LGALS4: variants seen among roughly 807,000 people sequenced by gnomAD.
LGALS4 encodes the protein galectin-4.
A neutral mutation model predicts 39.6 loss-of-function variants in LGALS4; 37 were observed. That is an observed-to-expected ratio of 0.93 (90% CI 0.72 to 1.23). The LOEUF is 1.23. Among genes scored for constraint, LGALS4 ranks in the 50% most tolerant of loss-of-function variants. The pLI, the probability that LGALS4 is intolerant of heterozygous loss-of-function variation, is 0.00. For missense variants in LGALS4, 397 were observed against 433.2 expected, an observed-to-expected ratio of 0.92 and a Z score of 0.74; for synonymous variants, 160 against 165.5, an observed-to-expected ratio of 0.97 and a Z score of 0.25.
Position 38,801,822 on chromosome 19 carries a change from T to C in LGALS4, c.914A>G (p.Gln305Arg). ...CTGGATTTCCAATGTGTCCACCCTC[T>C]GGAAGGCCGAGAGGCGATGGGCAAA... ...FDFAHRLSAF[Q>R]RVDTLEIQGD... Residue 305 changes from glutamine to arginine, a missense_variant, in exon 10 of 10, where the codon CAG becomes CGG. By Grantham distance (43) the Gln-to-Arg change is conservative. Transcript: ENST00000307751. 1.9e-6 allele frequency: 3 copies of C among 1,614,194 alleles called. No homozygotes were observed. The highest frequency in any genetic ancestry group is 2.5e-6 in the Non-Finnish European group (3 of 1,180,038).
At chr19:38,803,008 CTTTT>C (rs71165582) in intron 7 of LGALS4, 12 of 73,264 alleles carry the variant, frequency 1.6e-4, no homozygotes, top group South Asian at 6.0e-4. Flanking sequence ...TTTTCTTTTT[CTTTT>C]TTTTTTTTTT....
In LGALS4 at chr19:38,808,792, C is replaced by G. The variant is rs765745665; in HGVS notation, c.291G>C (p.Lys97Asn). 1 of 1,614,178 alleles carries G rather than the reference C, an allele frequency of 6.2e-7. No homozygotes were observed. The highest frequency in any genetic ancestry group is 1.6e-4 in the Middle Eastern group (1 of 6,062). Reference protein sequence around the residue: ...EERKRSMPFKKGAAFELVFIV... With the variant: ...EERKRSMPFKNGAAFELVFIV... ...TGAAGACCAGCTCAAAGGCGGCACC[C>G]TTTTTGAAGGGCATGCTCCTCTTCC... Residue 97 changes from lysine (K) to asparagine (N), a missense_variant, in exon 3 of 10, where the codon AAG becomes AAC. By Grantham distance (94) the Lys-to-Asn change is moderately conservative. Coordinates refer to ENST00000307751, the MANE Select transcript of LGALS4 (RefSeq NM_006149.4).
chr19:38,808,860 C>T lies in LGALS4; in HGVS notation c.223G>A (p.Val75Ile). ...NPRFDGWDKVVFNTLQGGKWG... is the reference protein window; with the variant it reads ...NPRFDGWDKVIFNTLQGGKWG... Reference sequence around the variant, plus strand: ...TTCCCGCCCTGCAACGTGTTGAAGACCACCTTGTCCCAGCCGTCAAACCGC... The same window carrying T: ...TTCCCGCCCTGCAACGTGTTGAAGATCACCTTGTCCCAGCCGTCAAACCGC... Residue 75 changes from valine (V) to isoleucine (I), a missense_variant, in exon 3 of 10, where the codon GTC (valine) becomes ATC (isoleucine). Transcript: ENST00000307751. 2 of 1,614,154 alleles carry T rather than the reference C, an allele frequency of 1.2e-6. No homozygotes were observed. The highest frequency in any genetic ancestry group is 2.2e-5 in the South Asian group (2 of 91,084).
At chr19:38,804,961 G>T (rs568346284) in intron 4 of LGALS4, among the ~76,000 whole-genome samples, 1 of 152,028 alleles carries the variant, frequency 6.6e-6, no homozygotes, top group South Asian at 2.1e-4. Context: ...TTCAAGACCA[G>T]CCTGGACAAC....
intron 3 of LGALS4, 34 bp downstream of exon 3, chr19:38,808,710 C>T (rs758529607): frequency 6.3e-7 from 1 of 1,586,634 alleles, no homozygotes; most frequent in Non-Finnish European, 8.6e-7. Flanking sequence ...CCACTGCACT[C>T]CAGCTTGGGA....
rs1971357352 is a variant in LGALS4, at chr19:38,801,711, G to A, written c.*53C>T. On this transcript the variant is annotated 3_prime_UTR_variant, in exon 10 of 10. Transcript: ENST00000307751. ...AGACATTTTATTAGGGGCTTAGAAA[G>A]GAGTCCTAGGGGATAATTCTGTTTT... 1 of 1,581,510 alleles carries A rather than the reference G, an allele frequency of 6.3e-7. No individual in the cohort carries two copies. The highest frequency in any genetic ancestry group is 8.6e-7 in the Non-Finnish European group (1 of 1,156,902).
chr19:38,806,454 C>T lies in LGALS4; in HGVS notation c.474+7G>A, dbSNP rs1971422733. Reference sequence around the variant, plus strand: ...AAGGACGCAAGAAGGGATGGGACCCCTCACACCTGGGGCCGGAGGGGCTGG... The same window carrying T: ...AAGGACGCAAGAAGGGATGGGACCCTTCACACCTGGGGCCGGAGGGGCTGG... On this transcript the variant is annotated splice_region_variant and intron_variant, in intron 4 of 9. Coordinates refer to ENST00000307751, the MANE Select transcript of LGALS4 (RefSeq NM_006149.4). 6.2e-7 allele frequency: 1 copy of T among 1,614,060 alleles called. No individual in the cohort carries two copies. Among genetic ancestry groups the T allele is most frequent in the African/African-American group, 1.3e-5 (1 of 75,044 alleles).
At chr19:38,809,340 C>T (rs561735664) in intron 2 of LGALS4, among the ~76,000 whole-genome samples, 76 of 150,104 alleles carry the variant, frequency 5.1e-4, no homozygotes, top group African/African-American at 1.1e-3. Context: ...CCACCACGTC[C>T]GGCTAATTTT....
chr19:38,812,701 G>A (rs932434486), intron 1 of LGALS4, 141 bp downstream of exon 1: 1 of 1,028,576 alleles, frequency 9.7e-7, no homozygotes, highest in Admixed American at 1.8e-5. Context: ...CAGGGTAGGA[G>A]TAAATCGAGG....
chr19:38,812,575 AC>A (rs1971507455), intron 1 of LGALS4, 56 bp from the exon 2 acceptor site: 4 of 1,519,660 alleles, frequency 2.6e-6, no homozygotes, highest in Non-Finnish European at 3.6e-6. Context: ...TGCAGCCTTT[AC>A]CCCTCCCAGA....
In LGALS4 at chr19:38,812,907, G is replaced by A. The variant is rs374847113; in HGVS notation, c.-21C>T. 1.5e-5 allele frequency: 24 copies of A among 1,608,820 alleles called. No homozygotes were observed. Among genetic ancestry groups the A allele is most frequent in the Non-Finnish European group, 2.0e-5 (23 of 1,179,410 alleles). ...GCCATCGCTCGAGGCTGCGCTAGTG[G>A]CTGGTCCTGTGAGAAGAGCTGCAGG... On this transcript the variant is annotated 5_prime_UTR_variant, in exon 1 of 10. Coordinates refer to ENST00000307751, the MANE Select transcript of LGALS4 (RefSeq NM_006149.4).
chr19:38,807,019 G>C (rs1243522105), intron 3 of LGALS4, among the ~76,000 whole-genome samples: 1 of 151,766 alleles, frequency 6.6e-6, no homozygotes, highest in African/African-American at 2.4e-5. Flanking sequence ...AGCTGGGACA[G>C]CCTCAGCATC....
Position 38,812,437 on chromosome 19 carries a change from A to T in LGALS4, c.128T>A (p.Met43Lys). ...VYIQGVASEH[M>K]KRFFVNFVVG... Reference sequence around the variant, plus strand: ...GGCTTGGGGAGGGTCTTACCGCTTCATGTGCTCGCTGGCCACTCCTTGGAT... The same window carrying T: ...GGCTTGGGGAGGGTCTTACCGCTTCTTGTGCTCGCTGGCCACTCCTTGGAT... The change falls in exon 2 of 10, where the codon ATG becomes AAG. Residue 43 changes from methionine (M) to lysine (K), a missense_variant. Met to Lys is a moderately conservative substitution (Grantham distance 95). Coordinates refer to ENST00000307751, the MANE Select transcript of LGALS4 (RefSeq NM_006149.4). The T allele has an allele frequency of 6.2e-7, 1 of 1,613,926 alleles. No homozygotes were observed. The highest frequency in any genetic ancestry group is 8.5e-7 in the Non-Finnish European group (1 of 1,179,892).
At position 38,801,921 on chromosome 19, in the gene LGALS4, A is replaced by G. The variant is rs1382261687; in HGVS notation, c.826-11T>C. The G allele has an allele frequency of 6.2e-7, 1 of 1,614,066 alleles. No homozygotes were observed. The highest frequency in any genetic ancestry group is 8.5e-7 in the Non-Finnish European group (1 of 1,179,986). ...ACAGCGAATGGACAGCTGCAGGGAG[A>G]AGGGTGGGCATGAGGCCAGGGCCAG... On this transcript the variant is annotated splice_polypyrimidine_tract_variant and intron_variant, in intron 9 of 9. Coordinates refer to ENST00000307751, the MANE Select transcript of LGALS4 (RefSeq NM_006149.4).
Position 38,805,166 on chromosome 19 carries a change from AAATAATAAT to A in LGALS4, c.475-1280_475-1272del, listed in dbSNP as rs3993040. On this transcript the variant is annotated intron_variant, in intron 4 of 9. Coordinates refer to ENST00000307751, the MANE Select transcript of LGALS4 (RefSeq NM_006149.4). The stretch of plus-strand genomic sequence containing the variant: ...GTGACAGAGCCAGACCCTGCCTCAA[AAATAATAAT>A]AATAATAATAATAATAATAATAATA... Among the ~76,000 whole-genome samples, 503 of 121,078 alleles carry A rather than the reference AAATAATAAT, an allele frequency of 4.2e-3. 2 individuals are homozygous for A. The highest frequency in any genetic ancestry group is 0.012 in the African/African-American group (333 of 27,200). The allele number at this position is 121,078 out of a possible 152,430, so 79.4% of individuals were successfully genotyped here.
At chr19:38,805,801 A>G (rs1231849270) in intron 4 of LGALS4, among the ~76,000 whole-genome samples, 3 of 152,162 alleles carry the variant, frequency 2.0e-5, no homozygotes, top group Admixed American at 2.0e-4. Context: ...GCTGGGCACC[A>G]TGGCTCACAC....
At chr19:38,812,821 G>A (rs781359454) in intron 1 of LGALS4, 21 bp downstream of exon 1, 5 of 1,610,104 alleles carry the variant, frequency 3.1e-6, no homozygotes, top group African/African-American at 1.3e-5. Flanking sequence ...GGGCGGAGTG[G>A]GGCCTGAGCT....
intron 2 of LGALS4, among the ~76,000 whole-genome samples, chr19:38,810,726 C>T (rs1256644982): frequency 1.3e-5 from 2 of 151,830 alleles, no homozygotes; most frequent in East Asian, 1.9e-4. Context: ...ATCTGCCTGG[C>T]TTAGCCACCC....
At chr19:38,803,644 G>A in intron 6 of LGALS4, 93 bp from the exon 7 acceptor site, 9 of 1,592,612 alleles carry the variant, frequency 5.7e-6, no homozygotes, top group Non-Finnish European at 7.7e-6. Flanking sequence ...TAGGTGCTGG[G>A]TTAGTACACC....
Sources: gnomAD v4.1 joint callset for allele counts (sites outside exome capture counted in the v4.1 genomes callset) on GRCh38, gnomAD v4.1.1 for gene constraint, MANE v1.5 for transcripts, NCBI Gene and HGNC (gene_info 2026-07-23, HGNC 2026-07-21) for gene names.